The following C1orf116 variants were observed in gnomAD, a reference collection of about 807,000 sequenced individuals.
C1orf116 encodes the protein chromosome 1 open reading frame 116.
C1orf116 carries 12 observed loss-of-function variants against 14.1 expected under a neutral mutation model. That is an observed-to-expected ratio of 0.85 (90% CI 0.54 to 1.38). The LOEUF (loss-of-function observed/expected upper bound fraction) is 1.38, where lower values mean the gene tolerates loss of function less well. Among genes scored for constraint, C1orf116 ranks in the 40% most tolerant of loss-of-function variants. C1orf116 has a pLI of 0.00. For missense variants in C1orf116, 797 were observed against 747.0 expected, an observed-to-expected ratio of 1.07 and a Z score of -0.78; for synonymous variants, 296 against 299.0, an observed-to-expected ratio of 0.99 and a Z score of 0.10.
Position 207,027,578 on chromosome 1 carries a change from C to T in C1orf116, c.21G>A (p.Trp7Ter). ...CGGGTTCTGAGCCAGTCCCCGCTGG[C>T]CACAGCTCCCTCTCGGGCATCACCC... is the stretch of plus-strand genomic sequence containing the variant. MPERELWPAGTGSEPVT... is the reference protein window; with the variant it reads MPEREL Residue 7 changes from tryptophan (W) to a stop codon, truncating the protein, a stop_gained, in exon 2 of 4, where the codon TGG (tryptophan) becomes TGA (stop). Transcript: ENST00000359470. LOFTEE classifies it high-confidence loss of function. The T allele has an allele frequency of 1.2e-6, 2 of 1,613,194 alleles. No individual in the cohort carries two copies. Among genetic ancestry groups the T allele is most frequent in the Non-Finnish European group, 1.7e-6 (2 of 1,180,034 alleles).
intron 1 of C1orf116, among the ~76,000 whole-genome samples, chr1:207,028,651 A>C (rs1032154074): frequency 1.3e-5 from 2 of 152,216 alleles, no homozygotes; most frequent in Non-Finnish European, 1.5e-5. Context: ...CTTAGGGAAA[A>C]AAAGTTTCAA....
rs767710498 is a variant in C1orf116, at chr1:207,023,127, T to C, written c.637A>G (p.Arg213Gly). The change falls in exon 4 of 4, where the codon AGG becomes GGG. Residue 213 changes from arginine to glycine, a missense_variant. Transcript: ENST00000359470. ...GGCCCCTCGGGCAGGCTGGCTTCCC[T>C]ACACTGCTCTGGCTGGGTGTCCCGG... ...AFRDTQPEQC[R>G]EASLPEGPGQ... 12 of 1,612,842 alleles carry C rather than the reference T, an allele frequency of 7.4e-6. No individual in the cohort carries two copies. In the Admixed American group the frequency reaches 2.0e-4, roughly 27 times the overall value.
Position 207,018,736 on chromosome 1 carries a change from A to G in C1orf116, c.*3222T>C, listed in dbSNP as rs1681734337. 6.6e-6 allele frequency: 1 copy of G among 152,190 alleles called. No individual in the cohort carries two copies. Among genetic ancestry groups the G allele is most frequent in the Non-Finnish European group, 1.5e-5 (1 of 68,038 alleles). 9.4% of individuals were successfully genotyped at this position (152,190 alleles called of 1,614,324 possible). ...AATTTGAGCCAGATCTATATGCTCCATCATCACTCTCCTGGGGAAAAGAGC... is the reference window on the plus strand; with the variant it reads ...AATTTGAGCCAGATCTATATGCTCCGTCATCACTCTCCTGGGGAAAAGAGC... On this transcript the variant is annotated 3_prime_UTR_variant, in exon 4 of 4. Coordinates refer to ENST00000359470, the MANE Select transcript of C1orf116 (RefSeq NM_023938.6).
Position 207,025,080 on chromosome 1 carries a change from T to C in C1orf116, c.106-16A>G. The C allele has an allele frequency of 9.0e-6, 1 of 110,818 alleles. No homozygotes were observed. Among genetic ancestry groups the C allele is most frequent in the Non-Finnish European group, 1.3e-5 (1 of 77,548 alleles). 6.9% of individuals were successfully genotyped at this position (110,818 alleles called of 1,614,324 possible). Reference sequence around the variant, plus strand: ...TGCTATCACTCTGTTGGGTTTGGGGTTGGGGGCGGGGGCGGGGAGGCGGGG... The same window carrying C: ...TGCTATCACTCTGTTGGGTTTGGGGCTGGGGGCGGGGGCGGGGAGGCGGGG... On this transcript the variant is annotated splice_polypyrimidine_tract_variant and intron_variant, in intron 2 of 3. Coordinates refer to ENST00000359470, the MANE Select transcript of C1orf116 (RefSeq NM_023938.6).
intron 3 of C1orf116, 47 bp from the exon 4 acceptor site, chr1:207,023,527 G>C: frequency 6.5e-7 from 1 of 1,540,138 alleles, no homozygotes. Flanking sequence ...AAAAAGAGTG[G>C]ACAGAGGTGA....
rs979182509 is a variant in C1orf116, at chr1:207,021,727, C to T, written c.*231G>A. ...CTTCAGTGATGTATCCAGCGGCCCC[C>T]CCTCCACACACACACCAAACACACA... On this transcript the variant is annotated 3_prime_UTR_variant, in exon 4 of 4. Coordinates refer to ENST00000359470, the MANE Select transcript of C1orf116 (RefSeq NM_023938.6). 2 of 405,724 alleles carry T rather than the reference C, an allele frequency of 4.9e-6. No homozygotes were observed. Among genetic ancestry groups the T allele is most frequent in the Non-Finnish European group, 8.7e-6 (2 of 230,654 alleles). The allele number at this position is 405,724 out of a possible 1,614,324, so 25.1% of individuals were successfully genotyped here.
chr1:207,029,202 TG>T (rs1224580471), intron 1 of C1orf116, among the ~76,000 whole-genome samples: 3 of 151,252 alleles, frequency 2.0e-5, no homozygotes, highest in Admixed American at 6.6e-5. Context: ...GGCAGAACAC[TG>T]GGGGGAAAAC....
rs3020 is a variant in C1orf116, at chr1:207,018,591, T to C, written c.*3367A>G. 6.6e-6 allele frequency: 1 copy of C among 152,130 alleles called. No individual in the cohort carries two copies. Among genetic ancestry groups the C allele is most frequent in the Non-Finnish European group, 1.5e-5 (1 of 68,030 alleles). The allele number at this position is 152,130 out of a possible 1,614,324, so 9.4% of individuals were successfully genotyped here. On this transcript the variant is annotated 3_prime_UTR_variant, in exon 4 of 4. Coordinates refer to ENST00000359470, the MANE Select transcript of C1orf116 (RefSeq NM_023938.6). ...AGCTTTACATGTTTTATATCACTTA[T>C]TTATCTCAACAATCTTGAAAGGGTG... is the stretch of plus-strand genomic sequence containing the variant.
At chr1:207,025,360 C>T (rs867401327) in intron 2 of C1orf116, among the ~76,000 whole-genome samples, 3 of 152,188 alleles carry the variant, frequency 2.0e-5, no homozygotes, top group Admixed American at 6.5e-5. Flanking sequence ...ATGGCAGGGG[C>T]CTTTCTTTTG....
At chr1:207,024,651 C>G (rs1174238447) in intron 3 of C1orf116, among the ~76,000 whole-genome samples, 1 of 152,252 alleles carries the variant, frequency 6.6e-6, no homozygotes, top group Admixed American at 6.5e-5. Context: ...AAACCCCTTT[C>G]CCTTCTAGAG....
chr1:207,022,142 C>A lies in C1orf116; in HGVS notation c.1622G>T (p.Gly541Val), dbSNP rs1207582464. The change falls in exon 4 of 4, where the codon GGT becomes GTT. Residue 541 changes from glycine (G) to valine (V), a missense_variant. Transcript: ENST00000359470. ...ASLGTGKDFA[G>V]IQVGKLADLE... Reference sequence around the variant, plus strand: ...GTCAGCCAGCTTGCCTACCTGGATACCTGCAAAATCTTTCCCCGTGCCCAG... The same window carrying A: ...GTCAGCCAGCTTGCCTACCTGGATAACTGCAAAATCTTTCCCCGTGCCCAG... The A allele has an allele frequency of 3.1e-6, 5 of 1,612,700 alleles. No homozygotes were observed. In the African/African-American group the frequency reaches 5.3e-5, roughly 17 times the overall value.
Position 207,023,054 on chromosome 1 carries a change from T to G in C1orf116, c.710A>C (p.Gln237Pro), listed in dbSNP as rs1558043920. The change falls in exon 4 of 4, where the codon CAG becomes CCG. Residue 237 changes from glutamine to proline, a missense_variant. Coordinates refer to ENST00000359470, the MANE Select transcript of C1orf116 (RefSeq NM_023938.6). The stretch of plus-strand genomic sequence containing the variant: ...TTCTGAAGGAGTCTGCTCTCTTTCC[T>G]GGGAGCTGGATGGTGTGTGGAGCTG... ...TPQLHTPSSS[Q>P]EREQTPSEAM... is the part of the protein sequence containing the mutation. 1.2e-6 allele frequency: 2 copies of G among 1,612,992 alleles called. No homozygotes were observed. The highest frequency in any genetic ancestry group is 1.7e-6 in the Non-Finnish European group (2 of 1,180,030).
Position 207,021,937 on chromosome 1 carries a change from G to C in C1orf116, c.*21C>G, listed in dbSNP as rs770569984. ...GTCTCTTCTTGTTCAGCCAGGACAGGGTCTGTACTGGTCGCAGAGTCTACT... is the reference window on the plus strand; with the variant it reads ...GTCTCTTCTTGTTCAGCCAGGACAGCGTCTGTACTGGTCGCAGAGTCTACT... On this transcript the variant is annotated 3_prime_UTR_variant, in exon 4 of 4. Coordinates refer to ENST00000359470, the MANE Select transcript of C1orf116 (RefSeq NM_023938.6). 9 of 1,514,608 alleles carry C rather than the reference G, an allele frequency of 5.9e-6. No homozygotes were observed. The highest frequency in any genetic ancestry group is 7.1e-6 in the Non-Finnish European group (8 of 1,132,382). 93.8% of individuals were successfully genotyped at this position (1,514,608 alleles called of 1,614,324 possible).
chr1:207,027,554 G>A lies in C1orf116; in HGVS notation c.45C>T (p.Pro15=), dbSNP rs749933623. 1.4e-5 allele frequency: 22 copies of A among 1,613,596 alleles called. No individual in the cohort carries two copies. The highest frequency in any genetic ancestry group is 1.6e-4 in the Middle Eastern group (1 of 6,084). Residue 15 remains proline (P), a synonymous_variant, in exon 2 of 4, where the codon CCC becomes CCT. Coordinates refer to ENST00000359470, the MANE Select transcript of C1orf116 (RefSeq NM_023938.6). ...ELWPAGTGSE[P]VTRVGSCDSM... Reference sequence around the variant, plus strand: ...TGTCACAGCTGCCGACACGGGTCACGGGTTCTGAGCCAGTCCCCGCTGGCC... The same window carrying A: ...TGTCACAGCTGCCGACACGGGTCACAGGTTCTGAGCCAGTCCCCGCTGGCC...
rs1364970138 is a variant in C1orf116, at chr1:207,022,892, G to C, written c.872C>G (p.Ala291Gly). The C allele has an allele frequency of 6.2e-7, 1 of 1,613,984 alleles. No homozygotes were observed. Among genetic ancestry groups the C allele is most frequent in the African/African-American group, 1.3e-5 (1 of 74,918 alleles). ...SSGEDPNSRL[A>G]PLTTPKPRKL... ...CCGGGGCTTAGGGGTTGTGAGGGGA[G>C]CTAGTCGGCTGTTTGGGTCCTCCCC... Residue 291 changes from alanine to glycine, a missense_variant, in exon 4 of 4, where the codon GCT becomes GGT. Coordinates refer to ENST00000359470, the MANE Select transcript of C1orf116 (RefSeq NM_023938.6).
Position 207,022,264 on chromosome 1 carries a change from A to G in C1orf116, c.1500T>C (p.Asp500=). ...GLSSYLSTEK[D]ASPKTSTSLG... ...GAGAAGTGCTGGTTTTGGGGCTGGC[A>G]TCTTTCTCAGTTGAAAGGTAGCTGC... Residue 500 remains aspartate (D), a synonymous_variant, in exon 4 of 4, where the codon GAT becomes GAC. Coordinates refer to ENST00000359470, the MANE Select transcript of C1orf116 (RefSeq NM_023938.6). 1 of 1,613,796 alleles carries G rather than the reference A, an allele frequency of 6.2e-7. No homozygotes were observed. The highest frequency in any genetic ancestry group is 8.5e-7 in the Non-Finnish European group (1 of 1,179,882).
chr1:207,023,774 C>T (rs895972710), intron 3 of C1orf116, among the ~76,000 whole-genome samples: 1 of 152,146 alleles, frequency 6.6e-6, no homozygotes, highest in African/African-American at 2.4e-5. Flanking sequence ...CCCAAGAGTT[C>T]GAGACCAACC....
At chr1:207,024,303 C>T (rs888914211) in intron 3 of C1orf116, among the ~76,000 whole-genome samples, 13 of 152,364 alleles carry the variant, frequency 8.5e-5, no homozygotes, top group South Asian at 2.1e-4. Context: ...CCAATACCAG[C>T]GGGACTGTCC....
At chr1:207,023,675 A>T (rs1347775959) in intron 3 of C1orf116, among the ~76,000 whole-genome samples, 195 bp from the exon 4 acceptor site, 1 of 152,184 alleles carries the variant, frequency 6.6e-6, no homozygotes, top group Admixed American at 6.5e-5. Flanking sequence ...AGACTAATAG[A>T]TCAGTAATAG....
Sources: gnomAD v4.1 joint callset for allele counts (sites outside exome capture counted in the v4.1 genomes callset) on GRCh38, gnomAD v4.1.1 for gene constraint, MANE v1.5 for transcripts, NCBI Gene and HGNC (gene_info 2026-07-23, HGNC 2026-07-21) for gene names.